LSM14A: variants seen among roughly 807,000 people sequenced by gnomAD.
LSM14A encodes the protein LSM14A mRNA processing body assembly factor, also known as protein LSM14 homolog A.
LSM14A carries 14 observed loss-of-function variants against 52.4 expected under a neutral mutation model. The ratio of observed to expected loss-of-function variants is 0.27; its 90% CI spans 0.18 to 0.42. The LOEUF is 0.42. Ranked by LOEUF, LSM14A falls within the 10% of genes least tolerant of loss-of-function variation. The probability of loss-of-function intolerance (pLI) is 1.00; values close to 1 mark genes in which losing one functional copy is unlikely to be tolerated. For missense variants in LSM14A, 417 were observed against 581.8 expected, an observed-to-expected ratio of 0.72 and a Z score of 2.91; for synonymous variants, 185 against 200.3, an observed-to-expected ratio of 0.92 and a Z score of 0.64.
At chr19:34,182,005 T>A (rs888036845) in intron 1 of LSM14A, among the ~76,000 whole-genome samples, 5 of 152,184 alleles carry the variant, frequency 3.3e-5, no homozygotes. Flanking sequence ...CCTCTCTCTC[T>A]GTCTCACCTC....
At chr19:34,173,280 G>A (rs2068843260) in intron 1 of LSM14A, among the ~76,000 whole-genome samples, 1 of 152,196 alleles carries the variant, frequency 6.6e-6, no homozygotes, top group South Asian at 2.1e-4. Flanking sequence ...TTCTCGAAAT[G>A]CCATCGATGC....
intron 8 of LSM14A, 34 bp from the exon 9 acceptor site, chr19:34,221,473 C>T: frequency 6.3e-7 from 1 of 1,594,806 alleles, no homozygotes. Flanking sequence ...TCTTTTAAAC[C>T]TGATATGCTG....
At chr19:34,188,165 A>C (rs1314026808) in intron 1 of LSM14A, among the ~76,000 whole-genome samples, 4 of 152,018 alleles carry the variant, frequency 2.6e-5, no homozygotes, top group Non-Finnish European at 5.9e-5. Flanking sequence ...GTGTGCCTGT[A>C]GTTCTAGCTA....
In LSM14A at chr19:34,228,738, G is replaced by T. The variant is rs2073461531; in HGVS notation, c.*1350G>T. The T allele has an allele frequency of 6.6e-6, 1 of 152,592 alleles. No homozygotes were observed. The highest frequency in any genetic ancestry group is 6.6e-5 in the Admixed American group (1 of 15,262). The allele number at this position is 152,592 out of a possible 1,614,324, so 9.5% of individuals were successfully genotyped here. ...TTTAAATATTTTTATCTAATATTTT[G>T]ATTGTTTTCTTAACTTTCTCCTTAA... On this transcript the variant is annotated 3_prime_UTR_variant, in exon 10 of 10. Coordinates refer to ENST00000544216, the MANE Select transcript of LSM14A (RefSeq NM_015578.4).
chr19:34,190,773 G>T (rs887296036), intron 1 of LSM14A, among the ~76,000 whole-genome samples: 2 of 152,042 alleles, frequency 1.3e-5, no homozygotes, highest in African/African-American at 4.8e-5. Flanking sequence ...GTAGACTTCT[G>T]TGTTGAAATG....
intron 1 of LSM14A, among the ~76,000 whole-genome samples, chr19:34,174,271 C>T (rs2068925434): frequency 1.3e-5 from 2 of 152,274 alleles, no homozygotes; most frequent in Admixed American, 6.5e-5. Context: ...TTTTAATAGC[C>T]CTGGTGTTGG....
At position 34,205,670 on chromosome 19, in the gene LSM14A, A is replaced by G. The variant is rs1035897981; in HGVS notation, c.416-3259A>G. ...GCCTTCTAGCCTGGGTGACAGAGTG[A>G]GACCATGTCTCTAAGAAAAGTTGGT... On this transcript the variant is annotated intron_variant, in intron 3 of 9. Coordinates refer to ENST00000544216, the MANE Select transcript of LSM14A (RefSeq NM_015578.4). 2.6e-5 allele frequency among the ~76,000 whole-genome samples: 4 copies of G among 151,972 alleles called. 1 individual carries two copies.
chr19:34,172,885 G>C, intron 1 of LSM14A, 122 bp downstream of exon 1: 3 of 1,183,510 alleles, frequency 2.5e-6, no homozygotes, highest in Non-Finnish European at 3.4e-6. Flanking sequence ...GAGGCCTCTC[G>C]CCTCCCTTCT....
At chr19:34,221,931 A>G in intron 9 of LSM14A, 193 bp downstream of exon 9, 2 of 762,790 alleles carry the variant, frequency 2.6e-6, no homozygotes, top group South Asian at 1.2e-4. Context: ...ACAGTATAGT[A>G]TCACCTTTAT....
intron 9 of LSM14A, among the ~76,000 whole-genome samples, chr19:34,223,803 G>A (rs530736119): frequency 1.5e-4 from 23 of 152,334 alleles, no homozygotes; most frequent in African/African-American, 5.3e-4. Context: ...GAGAATAATA[G>A]CAGTAGTTAC....
intron 8 of LSM14A, chr19:34,221,292 A>G: frequency 5.7e-6 from 3 of 530,168 alleles, no homozygotes; most frequent in Admixed American, 3.2e-5. Context: ...CATTTTGGCC[A>G]GGCTAGTCTC....
chr19:34,188,150 A>G (rs931626566), intron 1 of LSM14A, among the ~76,000 whole-genome samples: 19 of 151,928 alleles, frequency 1.3e-4, no homozygotes, highest in African/African-American at 4.6e-4. Context: ...AGCCAGGTGT[A>G]GTGTGTGTGC....
chr19:34,227,580 C>T lies in LSM14A; in HGVS notation c.*192C>T, dbSNP rs2073406745. On this transcript the variant is annotated 3_prime_UTR_variant, in exon 10 of 10. Coordinates refer to ENST00000544216, the MANE Select transcript of LSM14A (RefSeq NM_015578.4). ...CAGTTACTTTTGGGGGTGGAAGGCT[C>T]ATCTTAAAACATGAGCATTAAATAT... 15 of 497,882 alleles carry T rather than the reference C, an allele frequency of 3.0e-5. No individual in the cohort carries two copies. Among genetic ancestry groups the T allele is most frequent in the Non-Finnish European group, 2.5e-5 (7 of 280,208 alleles). The allele number at this position is 497,882 out of a possible 1,614,324, so 30.8% of individuals were successfully genotyped here.
Position 34,175,960 on chromosome 19 carries a change from G to C in LSM14A, c.121+3197G>C, listed in dbSNP as rs146139710. 2.4e-4 allele frequency among the ~76,000 whole-genome samples: 36 copies of C among 152,174 alleles called. 1 individual carries two copies. The East Asian group carries it at 7.0e-3, about 30-fold the overall frequency. Reference sequence around the variant, plus strand: ...AGCCTCCACCTCCCGGGTTCAAGCAGTTCTGCCACAGCCTTCCGAGTAGCT... The same window carrying C: ...AGCCTCCACCTCCCGGGTTCAAGCACTTCTGCCACAGCCTTCCGAGTAGCT... On this transcript the variant is annotated intron_variant, in intron 1 of 9. Transcript: ENST00000544216.
rs1183486113 is a variant in LSM14A at position 34,221,881 on chromosome 19, G to A, written c.1368+143G>A. The A allele has an allele frequency of 2.0e-5, 28 of 1,415,618 alleles. No homozygotes were observed. In the Admixed American group the frequency reaches 3.1e-4, roughly 16 times the overall value. The allele number at this position is 1,415,618 out of a possible 1,614,324, so 87.7% of individuals were successfully genotyped here. A position where few individuals can be genotyped will look rare whatever the true frequency, so the allele number is the denominator to read the frequency against. ...TTTGACTTTTCAGTAGAGGATATAC[G>A]TGATTCAGATGTATATATAAAGACA... On this transcript the variant is annotated intron_variant, in intron 9 of 9. Transcript: ENST00000544216.
At chr19:34,218,212 G>C (rs1361444880) in intron 6 of LSM14A, among the ~76,000 whole-genome samples, 1 of 151,824 alleles carries the variant, frequency 6.6e-6, no homozygotes, top group African/African-American at 2.4e-5. Flanking sequence ...CACCTTGTTG[G>C]TCAGGCTGGT....
intron 3 of LSM14A, among the ~76,000 whole-genome samples, chr19:34,201,924 C>T (rs1399327909): frequency 6.6e-6 from 1 of 152,026 alleles, no homozygotes; most frequent in Non-Finnish European, 1.5e-5. Context: ...TGGGCTCAAG[C>T]AGTCCTCCCA....
At chr19:34,202,435 A>C in intron 3 of LSM14A, among the ~76,000 whole-genome samples, 1 of 151,280 alleles carries the variant, frequency 6.6e-6, no homozygotes, top group South Asian at 2.1e-4. Context: ...AGAGGTTGCA[A>C]TGAACCAAGA....
intron 1 of LSM14A, among the ~76,000 whole-genome samples, chr19:34,185,820 A>C (rs2069863828): frequency 6.6e-6 from 1 of 152,234 alleles, no homozygotes; most frequent in Admixed American, 6.5e-5. Flanking sequence ...AAAGAGAAGA[A>C]AAATACTAAC....
Sources: allele counts gnomAD v4.1 joint callset (sites outside exome capture counted in the v4.1 genomes callset), GRCh38; gene constraint gnomAD v4.1.1; transcripts MANE v1.5; gene names NCBI Gene and HGNC (gene_info 2026-07-23, HGNC 2026-07-21).